FREM1: variants seen among roughly 807,000 people sequenced by gnomAD.
The protein encoded by FREM1 is FRAS1-related extracellular matrix protein 1.
A neutral mutation model predicts 210.1 loss-of-function variants in FREM1; 220 were observed. The ratio of observed to expected loss-of-function variants is 1.05; its 90% CI spans 0.94 to 1.17. The LOEUF (loss-of-function observed/expected upper bound fraction) is 1.17, where lower values mean the gene tolerates loss of function less well. FREM1 is among the 50% of genes most tolerant of loss of function. The pLI, the probability that FREM1 is intolerant of heterozygous loss-of-function variation, is 0.00. For missense variants in FREM1, 3,454 were observed against 2,675.5 expected, an observed-to-expected ratio of 1.29 and a Z score of -6.42; for synonymous variants, 1,189 against 980.2, an observed-to-expected ratio of 1.21 and a Z score of -3.98.
At chr9:14,860,692 T>C (rs1271076220) in intron 3 of FREM1, among the ~76,000 whole-genome samples, 11 of 122,052 alleles carry the variant, frequency 9.0e-5, no homozygotes, top group Admixed American at 3.7e-4. Flanking sequence ...TACACATATA[T>C]ACACACATAT....
chr9:14,737,555 G>T lies in FREM1; in HGVS notation c.6381C>A (p.Ile2127=), dbSNP rs758186171. ...TGGTGAAGGCAACAGGTTCACCACC[G>T]ATCCACTCCCAGTGGCCAGCATGCA... is the stretch of plus-strand genomic sequence containing the variant. ...DQVHAGHWEW[I]GGEPVAFTNG... is the part of the protein sequence containing the mutation. Residue 2127 remains isoleucine (I), a synonymous_variant, in exon 37 of 37, where the codon ATC becomes ATA. Coordinates refer to ENST00000380880, the MANE Select transcript of FREM1 (RefSeq NM_001379081.2). 1.2e-6 allele frequency: 2 copies of T among 1,601,886 alleles called. No individual in the cohort carries two copies. Among genetic ancestry groups the T allele is most frequent in the African/African-American group, 1.3e-5 (1 of 74,568 alleles).
At chr9:14,885,876 T>C (rs1212808993) in intron 1 of FREM1, among the ~76,000 whole-genome samples, 1 of 152,194 alleles carries the variant, frequency 6.6e-6, no homozygotes, top group Non-Finnish European at 1.5e-5. Flanking sequence ...TCTACTCTCT[T>C]AGCAATTTTC....
chr9:14,848,051 A>G (rs1827006801), intron 7 of FREM1, among the ~76,000 whole-genome samples: 1 of 152,162 alleles, frequency 6.6e-6, no homozygotes, highest in African/African-American at 2.4e-5. Context: ...AGACACAGAT[A>G]TTTTTTCCTT....
intron 3 of FREM1, among the ~76,000 whole-genome samples, chr9:14,861,635 T>C (rs998558730): frequency 6.7e-6 from 1 of 150,308 alleles, no homozygotes; most frequent in Non-Finnish European, 1.5e-5. Flanking sequence ...GCCTCCCGAA[T>C]AGCTGGGACT....
chr9:14,785,536 A>C (rs1433340648), intron 23 of FREM1, among the ~76,000 whole-genome samples: 1 of 152,232 alleles, frequency 6.6e-6, no homozygotes, highest in Non-Finnish European at 1.5e-5. Context: ...CAAACAACTC[A>C]AGTGCCTCTC....
chr9:14,748,477 C>G lies in FREM1; in HGVS notation c.5720G>C (p.Arg1907Thr). ...LPSSMQLAVI[R>T]GDTLRGFDST... ...ATCAAAGCCCCGCAGGGTGTCTCCC[C>G]TGATGACTGCTAGCTGCATGGAAGA... The change falls in exon 31 of 37, where the codon AGG becomes ACG. Residue 1907 changes from arginine (R) to threonine (T), a missense_variant. By Grantham distance (71) the Arg-to-Thr change is moderately conservative. Transcript: ENST00000380880. The G allele has an allele frequency of 6.2e-7, 1 of 1,613,894 alleles. No individual in the cohort carries two copies. Among genetic ancestry groups the G allele is most frequent in the Non-Finnish European group, 8.5e-7 (1 of 1,179,824 alleles).
chr9:14,747,195 T>C (rs1842623886), intron 33 of FREM1, 69 bp downstream of exon 33: 2 of 1,580,016 alleles, frequency 1.3e-6, no homozygotes, highest in African/African-American at 1.4e-5. Context: ...ATTTTGTGAA[T>C]TAAGTGTGTT....
At chr9:14,882,282 T>C (rs77476749) in intron 1 of FREM1, among the ~76,000 whole-genome samples, 5,306 of 152,138 alleles carry the variant, frequency 0.035, 326 homozygotes, top group African/African-American at 0.12. Flanking sequence ...TAGTAAACCC[T>C]TAACTGAGAG....
intron 25 of FREM1, among the ~76,000 whole-genome samples, chr9:14,773,504 T>C (rs1403527885): frequency 6.6e-6 from 1 of 152,202 alleles, no homozygotes; most frequent in African/African-American, 2.4e-5. Context: ...GGTCAGTCAC[T>C]TTCTAAAGCC....
At chr9:14,798,061 C>T (rs1852776236) in intron 20 of FREM1, among the ~76,000 whole-genome samples, 1 of 151,720 alleles carries the variant, frequency 6.6e-6, no homozygotes, top group Non-Finnish European at 1.5e-5. Flanking sequence ...TTTAAATCTA[C>T]CTAACATTTA....
At chr9:14,824,570 A>G (rs1821985622) in intron 11 of FREM1, among the ~76,000 whole-genome samples, 1 of 152,236 alleles carries the variant, frequency 6.6e-6, no homozygotes, top group Non-Finnish European at 1.5e-5. Flanking sequence ...AAGCCTACCA[A>G]TGCTGAAGAC....
intron 5 of FREM1, among the ~76,000 whole-genome samples, chr9:14,855,704 A>G (rs959317668): frequency 5.9e-5 from 9 of 152,124 alleles, no homozygotes; most frequent in African/African-American, 2.2e-4. Context: ...TCATAAATGA[A>G]TCTGTTTTAT....
chr9:14,899,501 T>C (rs1838384671), intron 1 of FREM1, among the ~76,000 whole-genome samples: 1 of 152,210 alleles, frequency 6.6e-6, no homozygotes, highest in Non-Finnish European at 1.5e-5. Context: ...GCAAATAAAG[T>C]ATCTGAATGT....
chr9:14,837,723 G>A (rs1026408971), intron 10 of FREM1, among the ~76,000 whole-genome samples: 3 of 152,108 alleles, frequency 2.0e-5, no homozygotes, highest in Non-Finnish European at 4.4e-5. Flanking sequence ...CACTGTAATT[G>A]GGGGGAAAAA....
intron 5 of FREM1, among the ~76,000 whole-genome samples, chr9:14,854,216 G>A (rs965161712): frequency 2.6e-5 from 4 of 151,964 alleles, no homozygotes; most frequent in Non-Finnish European, 2.9e-5. Context: ...TAAGATAAAG[G>A]CAAAGAAAAC....
At position 14,795,240 on chromosome 9, in the gene FREM1, C is replaced by G. The variant is rs866507057; in HGVS notation, c.3839+2258G>C. On this transcript the variant is annotated intron_variant, in intron 21 of 36. Coordinates refer to ENST00000380880, the MANE Select transcript of FREM1 (RefSeq NM_001379081.2). ...GTTTACATATTTTATTTAATCCTTG[C>G]AACAATCCTATTAAGAGGATACCAC... 4.6e-5 allele frequency among the ~76,000 whole-genome samples: 7 copies of G among 152,232 alleles called. No individual in the cohort carries two copies. In the South Asian group the frequency reaches 8.3e-4, roughly 18 times the overall value.
chr9:14,774,756 C>T (rs1181017659), intron 25 of FREM1, among the ~76,000 whole-genome samples: 3 of 152,078 alleles, frequency 2.0e-5, no homozygotes, highest in Admixed American at 2.0e-4. Context: ...ACATTATGCC[C>T]TCCAGGAATC....
chr9:14,846,959 C>G lies in FREM1; in HGVS notation c.1262-868G>C, dbSNP rs778984757. On this transcript the variant is annotated intron_variant, in intron 7 of 36. Coordinates refer to ENST00000380880, the MANE Select transcript of FREM1 (RefSeq NM_001379081.2). ...TGCAGCCGGCTACCTCCACTGCCCT[C>G]TAGTGGCGGCAGGACCAACCTTGTG... Among the ~76,000 whole-genome samples, 155 of 152,180 alleles carry G rather than the reference C, an allele frequency of 1.0e-3. 2 individuals carry two copies. Among genetic ancestry groups the G allele is most frequent in the Non-Finnish European group, 5.7e-4 (39 of 68,030 alleles).
chr9:14,746,440 C>G lies in FREM1; in HGVS notation c.6167G>C (p.Gly2056Ala). 1 of 1,613,638 alleles carries G rather than the reference C, an allele frequency of 6.2e-7. No homozygotes were observed. Among genetic ancestry groups the G allele is most frequent in the Non-Finnish European group, 8.5e-7 (1 of 1,179,664 alleles). The change falls in exon 35 of 37, where the codon GGG becomes GCG. Residue 2056 changes from glycine to alanine, a missense_variant. By Grantham distance (60) the Gly-to-Ala change is moderately conservative. Transcript: ENST00000380880. ...KDVEDKSCPA[G>A]WHQHSGYCHI... ...ACAGTAGCCTGAGTGCTGGTGCCAC[C>G]CGGCTGGACAGGATTTGTCTTCCAC...
Sources: gnomAD v4.1 joint callset for allele counts (sites outside exome capture counted in the v4.1 genomes callset) on GRCh38, gnomAD v4.1.1 for gene constraint, MANE v1.5 for transcripts, NCBI Gene and HGNC (gene_info 2026-07-23, HGNC 2026-07-21) for gene names.